Variants in MROH9 observed in about 807,000 individuals in gnomAD.
MROH9 encodes the protein maestro heat like repeat family member 9.
MROH9 carries 92 observed loss-of-function variants against 98.2 expected under a neutral mutation model. That is an observed-to-expected ratio of 0.94 (90% CI 0.79 to 1.11). MROH9 has a LOEUF of 1.11. MROH9 is among the 50% of genes most tolerant of loss of function. MROH9 has a pLI of 0.00. For synonymous variants in MROH9, 397 were observed against 368.9 expected (o/e 1.08, Z -0.87); for missense variants, 1,057 against 1,014.8 (o/e 1.04, Z -0.57).
At chr1:170,970,666 G>A (rs533564426) in intron 7 of MROH9, among the ~76,000 whole-genome samples, 31 of 150,666 alleles carry the variant, frequency 2.1e-4, no homozygotes, top group Middle Eastern at 3.4e-3. Flanking sequence ...TGACCTAGAT[G>A]ACCCAGGTCA....
At chr1:171,016,774 C>T (rs1374724664) in intron 17 of MROH9, among the ~76,000 whole-genome samples, 18 of 152,052 alleles carry the variant, frequency 1.2e-4, no homozygotes, top group Admixed American at 1.2e-3. Context: ...TGATATTTGC[C>T]ATGCCCCAAA....
intron 6 of MROH9, among the ~76,000 whole-genome samples, chr1:170,964,640 C>T (rs1288702880): frequency 2.6e-5 from 4 of 151,996 alleles, no homozygotes; most frequent in Admixed American, 2.6e-4. Flanking sequence ...TTTGCAAGAA[C>T]TTTCTAACCA....
intron 8 of MROH9, among the ~76,000 whole-genome samples, chr1:170,976,444 A>AT (rs367851414): frequency 7.9e-5 from 12 of 151,520 alleles, no homozygotes; most frequent in Admixed American, 4.6e-4. Flanking sequence ...GTTGGAATTT[A>AT]TTTTTTTTTA....
chr1:170,960,654 G>T (rs770002781), intron 5 of MROH9, among the ~76,000 whole-genome samples: 2 of 152,088 alleles, frequency 1.3e-5, no homozygotes, highest in Non-Finnish European at 2.9e-5. Context: ...ACAGGGTCTT[G>T]CTCCTTCACC....
intron 3 of MROH9, among the ~76,000 whole-genome samples, chr1:170,956,836 C>T (rs1649781899): frequency 6.6e-6 from 1 of 151,832 alleles, no homozygotes; most frequent in South Asian, 2.1e-4. Flanking sequence ...GATTTGGATG[C>T]CCTTTATTTC....
intron 20 of MROH9, among the ~76,000 whole-genome samples, chr1:171,047,016 T>C (rs2421636): frequency 0.031 from 4,695 of 152,284 alleles, 241 homozygotes; most frequent in African/African-American, 0.11. Context: ...AGGGTTCCAC[T>C]AAAAGTCTGC....
At chr1:170,963,142 A>G (rs961716141) in intron 6 of MROH9, among the ~76,000 whole-genome samples, 2 of 152,096 alleles carry the variant, frequency 1.3e-5, no homozygotes, top group African/African-American at 4.8e-5. Flanking sequence ...CAAGAAAAAA[A>G]AAAACTCCAT....
chr1:170,970,731 T>TGTGTGTGTGAGAGA (rs1491154307), intron 7 of MROH9, among the ~76,000 whole-genome samples: 3 of 90,798 alleles, frequency 3.3e-5, no homozygotes, highest in Admixed American at 1.2e-4. Flanking sequence ...TGTGTGTGTG[T>TGTGTGTGTGAGAGA]GAGAGAGAGA....
At chr1:171,051,373 T>C (rs143475716) in intron 20 of MROH9, among the ~76,000 whole-genome samples, 48 of 149,700 alleles carry the variant, frequency 3.2e-4, no homozygotes, top group African/African-American at 1.2e-3. Context: ...ATAAAGAAAA[T>C]GTGGTACATA....
rs1419080999 is a variant in MROH9 at position 171,025,328 on chromosome 1, A to T, written c.2189A>T (p.His730Leu). 1 of 1,543,408 alleles carries T rather than the reference A, an allele frequency of 6.5e-7. No homozygotes were observed. Among genetic ancestry groups the T allele is most frequent in the Non-Finnish European group, 8.8e-7 (1 of 1,139,828 alleles). ...CCTTTTTATTCTCAGATTATTTCTC[A>T]TAGGAACTACATTACAGATTTGACA... ...LNICNNLIIS[H>L]RNYITDLTSD... is the part of the protein sequence containing the mutation. Residue 730 changes from histidine (H) to leucine (L), a missense_variant, in exon 20 of 22, where the codon CAT becomes CTT. Physicochemically the swap from His to Leu is moderately conservative, Grantham distance 99 (BLOSUM62 -3). Transcript: ENST00000367759.
At chr1:171,039,697 G>A (rs1235543708) in intron 20 of MROH9, among the ~76,000 whole-genome samples, 5 of 152,020 alleles carry the variant, frequency 3.3e-5, no homozygotes, top group African/African-American at 1.2e-4. Flanking sequence ...TGACATTAGG[G>A]GGAATTAATA....
intron 3 of MROH9, among the ~76,000 whole-genome samples, chr1:170,957,313 A>T (rs562432809): frequency 2.6e-5 from 4 of 152,138 alleles, no homozygotes; most frequent in African/African-American, 9.6e-5. Context: ...ACTTCTTTAC[A>T]TTTGTCTTTA....
chr1:170,994,956 T>C (rs1452271140), intron 12 of MROH9, among the ~76,000 whole-genome samples: 1 of 151,980 alleles, frequency 6.6e-6, no homozygotes, highest in Non-Finnish European at 1.5e-5. Context: ...CCGCCCATAT[T>C]GCAGTAGTCA....
intron 7 of MROH9, among the ~76,000 whole-genome samples, chr1:170,968,015 G>A (rs1650298617): frequency 6.6e-6 from 1 of 152,154 alleles, no homozygotes; most frequent in African/African-American, 2.4e-5. Context: ...AATTAATGAA[G>A]TGTTTTCAAT....
chr1:170,994,944 T>C (rs1305649676), intron 12 of MROH9, among the ~76,000 whole-genome samples: 1 of 151,792 alleles, frequency 6.6e-6, no homozygotes, highest in African/African-American at 2.4e-5. Flanking sequence ...TGTGGTGACC[T>C]CCCGCCCATA....
chr1:171,051,629 T>C (rs946490889), intron 20 of MROH9, among the ~76,000 whole-genome samples: 5 of 152,146 alleles, frequency 3.3e-5, no homozygotes, highest in African/African-American at 1.2e-4. Context: ...AAATAGCTAA[T>C]GCATGTGAGG....
At chr1:171,025,602 G>T (rs1403748351) in intron 20 of MROH9, among the ~76,000 whole-genome samples, 182 bp downstream of exon 20, 1 of 152,082 alleles carries the variant, frequency 6.6e-6, no homozygotes, top group Non-Finnish European at 1.5e-5. Context: ...AATACACAGA[G>T]AATATAGCTG....
rs531991898 is a variant in MROH9 at position 170,959,243 on chromosome 1, C to T, written c.153-219C>T. Among the ~76,000 whole-genome samples, 348 of 152,064 alleles carry T rather than the reference C, an allele frequency of 2.3e-3. 3 individuals are homozygous for T. The highest frequency in any genetic ancestry group is 7.9e-3 in the African/African-American group (329 of 41,500). ...ACAAAAAATTAGCCAGGCGTGGTGG[C>T]GGGCGCCTGTAGTCCCAGCTACTCA... On this transcript the variant is annotated intron_variant, in intron 4 of 21. Transcript: ENST00000367759.
At chr1:171,046,348 G>A (rs1447383540) in intron 20 of MROH9, among the ~76,000 whole-genome samples, 2 of 151,992 alleles carry the variant, frequency 1.3e-5, no homozygotes, top group Admixed American at 6.6e-5. Context: ...TTGTATTCTA[G>A]TTGTTTTATG....
Sources: allele counts gnomAD v4.1 joint callset (sites outside exome capture counted in the v4.1 genomes callset), GRCh38; gene constraint gnomAD v4.1.1; transcripts MANE v1.5; gene names NCBI Gene and HGNC (gene_info 2026-07-23, HGNC 2026-07-21).